The following SECISBP2 variants were observed in gnomAD, a reference collection of about 807,000 sequenced individuals.
SECISBP2 encodes the protein selenocysteine insertion sequence-binding protein 2.
Under a neutral mutation model 98.2 loss-of-function variants are expected in SECISBP2, and 96 were observed. That is an observed-to-expected ratio of 0.98 (90% CI 0.83 to 1.16). The LOEUF (loss-of-function observed/expected upper bound fraction) is 1.16. SECISBP2 is among the 50% of genes most tolerant of loss of function. SECISBP2 has a pLI of 0.00. For synonymous variants in SECISBP2, 407 were observed against 370.2 expected, an observed-to-expected ratio of 1.10 and a Z score of -1.14; for missense variants, 1,046 against 1,022.9, an observed-to-expected ratio of 1.02 and a Z score of -0.31.
chr9:89,343,294 G>T (rs1301379556), intron 10 of SECISBP2, among the ~76,000 whole-genome samples: 2 of 152,130 alleles, frequency 1.3e-5, no homozygotes, highest in Non-Finnish European at 2.9e-5. Flanking sequence ...TCCTTTTGAA[G>T]TAGTTTATTA....
At chr9:89,337,188 T>C (rs186862601) in intron 7 of SECISBP2, among the ~76,000 whole-genome samples, 57 of 152,306 alleles carry the variant, frequency 3.7e-4, no homozygotes, top group African/African-American at 1.3e-3. Context: ...CCAAGATCTT[T>C]TTTAAAAATT....
At chr9:89,366,666 G>A in the SECISBP2 span, among the ~76,000 whole-genome samples, 1 of 152,196 alleles carries the variant, frequency 6.6e-6, no homozygotes, top group Non-Finnish European at 1.5e-5. Context: ...ACATCTAGGT[G>A]CCCATCAACT....
At chr9:89,319,550 A>C (rs1825326365) in intron 1 of SECISBP2, 102 bp from the exon 2 acceptor site, 1 of 1,319,446 alleles carries the variant, frequency 7.6e-7, no homozygotes, top group South Asian at 1.2e-5. Flanking sequence ...CAACATCGGG[A>C]ACATTTCTGG....
rs888831535 is a variant in SECISBP2, at chr9:89,340,772, A to G, written c.1303-575A>G. ...AATGGGACACCATGCCTCAGGACAT[A>G]CCACTGGGCTTCCTTGTACAACTTT... On this transcript the variant is annotated intron_variant, in intron 9 of 16. Transcript: ENST00000375807. Among the ~76,000 whole-genome samples, 27 of 152,238 alleles carry G rather than the reference A, an allele frequency of 1.8e-4. 1 individual carries two copies. The highest frequency in any genetic ancestry group is 1.7e-3 in the Admixed American group (26 of 15,286).
chr9:89,348,004 C>A, intron 11 of SECISBP2, 75 bp from the exon 12 acceptor site: 1 of 1,422,430 alleles, frequency 7.0e-7, no homozygotes, highest in Non-Finnish European at 9.7e-7. Flanking sequence ...TGAACTTGGG[C>A]AGTTTAATTT....
rs539557164 is a variant in SECISBP2 at position 89,327,586 on chromosome 9, T to TA, written c.575-1069dup. Among the ~76,000 whole-genome samples the TA allele has an allele frequency of 1.4e-3, 212 of 152,222 alleles. 3 individuals are homozygous for TA. Among genetic ancestry groups the TA allele is most frequent in the South Asian group, 7.7e-3 (37 of 4,826 alleles). The stretch of plus-strand genomic sequence containing the variant: ...TTTTTAACTTTCTACACTTTTTAAT[T>TA]AAAAACGAAGACACAACCACACACA... On this transcript the variant is annotated intron_variant, in intron 4 of 16. Transcript: ENST00000375807.
intron 2 of SECISBP2, 74 bp from the exon 3 acceptor site, chr9:89,325,353 A>G: frequency 7.3e-7 from 1 of 1,366,738 alleles, no homozygotes; most frequent in Non-Finnish European, 1.0e-6. Context: ...GTTCAGTTTG[A>G]ATTAGTTTAT....
intron 14 of SECISBP2, among the ~76,000 whole-genome samples, chr9:89,351,997 A>G (rs905540643): frequency 6.6e-6 from 1 of 152,142 alleles, no homozygotes; most frequent in African/African-American, 2.4e-5. Flanking sequence ...TGTTAGCCAC[A>G]CTGTGGGATA....
intron 14 of SECISBP2, among the ~76,000 whole-genome samples, chr9:89,352,880 C>G (rs973786142): frequency 6.6e-6 from 1 of 151,232 alleles, no homozygotes; most frequent in African/African-American, 2.4e-5. Flanking sequence ...TCATGGTTGC[C>G]TCTTGGAGAA....
chr9:89,362,310 G>A, downstream of SECISBP2: 2 of 1,608,450 alleles, frequency 1.2e-6, no homozygotes, highest in Non-Finnish European at 1.7e-6. Flanking sequence ...TCACAGTTGT[G>A]GGGGACCAGG....
At chr9:89,349,966 A>ATG in intron 13 of SECISBP2, 37 bp downstream of exon 13, 1 of 1,612,740 alleles carries the variant, frequency 6.2e-7, no homozygotes, top group Non-Finnish European at 8.5e-7. Flanking sequence ...CTAGGGGAAG[A>ATG]TGGAAGTGCT....
downstream of SECISBP2, chr9:89,362,156 T>TA: frequency 3.3e-6 from 2 of 602,796 alleles, no homozygotes; most frequent in South Asian, 2.0e-5. Context: ...AGACAGAACT[T>TA]ACTGTCCCAG....
chr9:89,363,084 CCCT>C (rs1392546919), downstream of SECISBP2, among the ~76,000 whole-genome samples: 2 of 152,182 alleles, frequency 1.3e-5, no homozygotes, highest in Non-Finnish European at 2.9e-5. Flanking sequence ...AGGTTTCCTG[CCCT>C]CCTCAAAGGA....
At chr9:89,363,603 T>A (rs1056070911), downstream of SECISBP2, 3 of 1,599,904 alleles carry the variant, frequency 1.9e-6, no homozygotes, top group Non-Finnish European at 2.6e-6. Flanking sequence ...TGGCCACCTT[T>A]CTCAATGGAA....
At position 89,357,405 on chromosome 9, in the gene SECISBP2, G is replaced by A. The variant is rs1237019864; in HGVS notation, c.2114-6G>A. 3.1e-6 allele frequency: 5 copies of A among 1,613,682 alleles called. No individual in the cohort carries two copies. The highest frequency in any genetic ancestry group is 3.4e-6 in the Non-Finnish European group (4 of 1,180,044). On this transcript the variant is annotated splice_region_variant and splice_polypyrimidine_tract_variant and intron_variant, in intron 14 of 16. Transcript: ENST00000375807. ...TTCCTGTCATTTTTCATTGTCCTTT[G>A]ACCAGGTGGGCTGGATGACACTTTG...
chr9:89,342,542 T>C (rs1235315800), intron 10 of SECISBP2, among the ~76,000 whole-genome samples: 1 of 152,204 alleles, frequency 6.6e-6, no homozygotes, highest in Non-Finnish European at 1.5e-5. Flanking sequence ...TACCACATAA[T>C]GGTGTAAACA....
At chr9:89,322,048 A>G (rs1251443045) in intron 2 of SECISBP2, among the ~76,000 whole-genome samples, 1 of 152,228 alleles carries the variant, frequency 6.6e-6, no homozygotes, top group African/African-American at 2.4e-5. Flanking sequence ...TAAAGAAGGT[A>G]TAGTAACCTT....
chr9:89,346,901 T>C lies in SECISBP2; in HGVS notation c.1455T>C (p.Leu485=), dbSNP rs1830498467. 6.2e-7 allele frequency: 1 copy of C among 1,614,046 alleles called. No individual in the cohort carries two copies. ...VVVSVGAVPV[L]SKECASGERG... is the part of the protein sequence containing the mutation. Reference sequence around the variant, plus strand: ...TTTCAGTTGGAGCAGTGCCAGTCCTTTCCAAAGAATGTGCATCAGGGGAGA... The same window carrying C: ...TTTCAGTTGGAGCAGTGCCAGTCCTCTCCAAAGAATGTGCATCAGGGGAGA... The change falls in exon 11 of 17, where the codon CTT becomes CTC. Residue 485 remains leucine (L), a synonymous_variant. Coordinates refer to ENST00000375807, the MANE Select transcript of SECISBP2 (RefSeq NM_024077.5).
At chr9:89,320,378 AAAT>A (rs35912790) in intron 2 of SECISBP2, among the ~76,000 whole-genome samples, 10,359 of 142,188 alleles carry the variant, frequency 0.073, 416 homozygotes, top group Admixed American at 0.18. Flanking sequence ...AAAAAAAAAA[AAAT>A]CCCGTTTCAA....
Sources: allele counts gnomAD v4.1 joint callset (sites outside exome capture counted in the v4.1 genomes callset), GRCh38; gene constraint gnomAD v4.1.1; transcripts MANE v1.5; gene names NCBI Gene and HGNC (gene_info 2026-07-23, HGNC 2026-07-21).